SLC38A6: variants seen among roughly 807,000 people sequenced by gnomAD.
SLC38A6 encodes N system amino acid transporter NAT-1.
In SLC38A6, 73 loss-of-function variants were observed where a neutral mutation model predicts 65.0. The observed-to-expected ratio is 1.12, with a 90% CI of 0.93 to 1.37. The LOEUF (loss-of-function observed/expected upper bound fraction) is 1.37. SLC38A6 is among the 40% of genes most tolerant of loss of function. The pLI is 0.00. For missense variants in SLC38A6, 561 were observed against 531.1 expected, an observed-to-expected ratio of 1.06 and a Z score of -0.55; for synonymous variants, 183 against 178.8, an observed-to-expected ratio of 1.02 and a Z score of -0.19.
At chr14:61,083,398 C>T (rs2043733849) in intron 16 of SLC38A6, among the ~76,000 whole-genome samples, 1 of 152,210 alleles carries the variant, frequency 6.6e-6, no homozygotes, top group South Asian at 2.1e-4. Context: ...GTTATGCACT[C>T]AATTGTGTTC....
At chr14:61,047,524 C>T (rs2139829633) in intron 12 of SLC38A6, among the ~76,000 whole-genome samples, 1 of 152,216 alleles carries the variant, frequency 6.6e-6, no homozygotes, top group African/African-American at 2.4e-5. Context: ...TTTTGTCTCT[C>T]TCCAAAGCCA....
chr14:61,073,811 T>C (rs1027728875), intron 15 of SLC38A6: 4 of 152,080 alleles, frequency 2.6e-5, no homozygotes, highest in Non-Finnish European at 5.9e-5. Context: ...GGTCCACTTA[T>C]ATGGGGATTT....
chr14:61,048,807 C>T (rs2042323570), intron 12 of SLC38A6, among the ~76,000 whole-genome samples: 1 of 152,108 alleles, frequency 6.6e-6, no homozygotes, highest in African/African-American at 2.4e-5. Context: ...CCAAATGTTG[C>T]ATAATAACCA....
intron 6 of SLC38A6, among the ~76,000 whole-genome samples, chr14:61,032,350 G>C (rs890594866): frequency 4.6e-5 from 7 of 151,514 alleles, no homozygotes; most frequent in African/African-American, 1.7e-4. Flanking sequence ...TGGCAGAACT[G>C]GTATTGAAAT....
rs2038054412 is a variant in SLC38A6, at chr14:60,993,422, G to C, written c.310+8619G>C. On this transcript the variant is annotated intron_variant, in intron 3 of 15. Coordinates refer to ENST00000267488, the MANE Select transcript of SLC38A6 (RefSeq NM_153811.3). ...TAGGAACCTGGAAGCTTATTTTCTGGAGAAGGTAAACTAAAAGGACTCAGC... is the reference window on the plus strand; with the variant it reads ...TAGGAACCTGGAAGCTTATTTTCTGCAGAAGGTAAACTAAAAGGACTCAGC... Among the ~76,000 whole-genome samples, 3 of 152,250 alleles carry C rather than the reference G, an allele frequency of 2.0e-5. No homozygotes were observed. In the South Asian group the frequency reaches 6.2e-4, roughly 32 times the overall value.
At chr14:60,995,524 A>C (rs530502778) in intron 3 of SLC38A6, among the ~76,000 whole-genome samples, 1 of 152,334 alleles carries the variant, frequency 6.6e-6, no homozygotes, top group African/African-American at 2.4e-5. Context: ...TACAGAGCTA[A>C]TGTACAGCAT....
intron 1 of SLC38A6, 38 bp downstream of exon 1, chr14:60,981,420 T>G (rs1157159645): frequency 1.9e-6 from 3 of 1,555,700 alleles, no homozygotes; most frequent in Non-Finnish European, 1.7e-6. Context: ...GCTGACGCCC[T>G]CCGGCTTCCC....
At chr14:60,986,949 CTT>C in intron 3 of SLC38A6, 2 of 263,724 alleles carry the variant, frequency 7.6e-6, no homozygotes, top group Non-Finnish European at 1.5e-5. Flanking sequence ...ATGTATTTAA[CTT>C]TAAGATTCTG....
chr14:61,066,756 T>C (rs190297949), intron 15 of SLC38A6, among the ~76,000 whole-genome samples: 13 of 152,280 alleles, frequency 8.5e-5, no homozygotes, highest in Non-Finnish European at 4.4e-5. Flanking sequence ...GAAAATACTA[T>C]ATTTTTTATC....
rs1215594906 is a variant in SLC38A6, at chr14:61,015,948, C to T, written c.355C>T (p.Pro119Ser). The T allele has an allele frequency of 1.2e-6, 2 of 1,605,480 alleles. No individual in the cohort carries two copies. Among genetic ancestry groups the T allele is most frequent in the Admixed American group, 1.7e-5 (1 of 57,974 alleles). ...EDLGLFAFGL[P>S]GKLVVAGTII... Reference sequence around the variant, plus strand: ...TCTTGGACTCTTTGCATTTGGATTACCTGGAAAGGTAATTTTTTTTCCTCC... The same window carrying T: ...TCTTGGACTCTTTGCATTTGGATTATCTGGAAAGGTAATTTTTTTTCCTCC... The change falls in exon 4 of 16, where the codon CCT (proline) becomes TCT (serine). Residue 119 changes from proline to serine, a missense_variant. By Grantham distance (74) the Pro-to-Ser change is moderately conservative. Transcript: ENST00000267488.
At position 61,036,958 on chromosome 14, in the gene SLC38A6, CTCTG is replaced by C. The variant is rs1378147128; in HGVS notation, c.483-99_483-96del. The C allele has an allele frequency of 1.6e-5, 6 of 378,004 alleles. No homozygotes were observed. The African/African-American group carries it at 1.6e-4, about 10-fold the overall frequency. The allele number at this position is 378,004 out of a possible 1,614,324, so 23.4% of individuals were successfully genotyped here. A position where few individuals can be genotyped will look rare whatever the true frequency, so the allele number is the denominator to read the frequency against. ...TAATAGCTGGTTGTAATGGTTATAA[CTCTG>C]TGTGTGTGTGTGTGTGTGTGTGTGT... On this transcript the variant is annotated intron_variant, in intron 6 of 15. Coordinates refer to ENST00000267488, the MANE Select transcript of SLC38A6 (RefSeq NM_153811.3).
chr14:61,083,076 TGGCCCTCTA>T (rs1408023825), intron 16 of SLC38A6, among the ~76,000 whole-genome samples: 1 of 152,230 alleles, frequency 6.6e-6, no homozygotes, highest in African/African-American at 2.4e-5. Flanking sequence ...AGTTTGAGCT[TGGCCCTCTA>T]CCATTTCCTC....
chr14:61,051,693 C>G (rs561470661), intron 13 of SLC38A6, 94 bp from the exon 14 acceptor site: 87 of 1,433,652 alleles, frequency 6.1e-5, no homozygotes, highest in Non-Finnish European at 7.6e-5. Context: ...ATGTAGGAGG[C>G]AAAAATATCA....
chr14:61,022,729 T>C (rs2040408406), intron 5 of SLC38A6, among the ~76,000 whole-genome samples: 1 of 152,090 alleles, frequency 6.6e-6, no homozygotes, highest in Admixed American at 6.5e-5. Flanking sequence ...GTTGTTTACA[T>C]TAAAACTGAA....
chr14:61,002,087 C>G (rs1327227709), intron 3 of SLC38A6: 1 of 152,066 alleles, frequency 6.6e-6, no homozygotes, highest in African/African-American at 2.4e-5. Context: ...AAATATTGTT[C>G]ACTGAAGAGC....
chr14:60,982,055 G>T, intron 1 of SLC38A6: 1 of 421,144 alleles, frequency 2.4e-6, no homozygotes, highest in Non-Finnish European at 4.8e-6. Context: ...TTCCAGTTTG[G>T]TAGAACTAAT....
At chr14:61,022,075 C>G (rs1320675956) in intron 5 of SLC38A6, among the ~76,000 whole-genome samples, 1 of 152,032 alleles carries the variant, frequency 6.6e-6, no homozygotes, top group Non-Finnish European at 1.5e-5. Flanking sequence ...TCCCTTCTTA[C>G]CCCAAAATTT....
rs762713377 is a variant in SLC38A6 at position 61,052,101 on chromosome 14, G to C, written c.1256G>C (p.Ser419Thr). 1.9e-6 allele frequency: 3 copies of C among 1,569,864 alleles called. 1 individual carries two copies. The South Asian group carries it at 3.7e-5, about 19-fold the overall frequency. ...IFPGLFYLKL[S>T]REDFLSWKKL... ...CCAGGACTATTTTATCTTAAACTTA[G>C]CAGAGAGGATTTTCTGTCATGGAAA... Residue 419 changes from serine (S) to threonine (T), a missense_variant, in exon 15 of 16, where the codon AGC becomes ACC. Transcript: ENST00000267488.
intron 5 of SLC38A6, among the ~76,000 whole-genome samples, chr14:61,028,424 T>G (rs1395688694): frequency 6.6e-6 from 1 of 152,152 alleles, no homozygotes; most frequent in Admixed American, 6.5e-5. Context: ...TTCAGAAAAT[T>G]CAGTTCACAA....
Sources: gnomAD v4.1 joint callset for allele counts (sites outside exome capture counted in the v4.1 genomes callset) on GRCh38, gnomAD v4.1.1 for gene constraint, MANE v1.5 for transcripts, NCBI Gene and HGNC (gene_info 2026-07-23, HGNC 2026-07-21) for gene names.